The following CPLANE1 variants were observed in gnomAD, a reference collection of about 807,000 sequenced individuals.
CPLANE1 encodes the protein ciliogenesis and planar polarity effector 1.
A neutral mutation model predicts 362.5 loss-of-function variants in CPLANE1; 263 were observed. That is an observed-to-expected ratio of 0.73 (90% CI 0.66 to 0.80). CPLANE1 has a LOEUF of 0.80. CPLANE1 is among the 30% of genes least tolerant of loss of function. The probability of loss-of-function intolerance (pLI) is 0.00; values close to 1 mark genes in which losing one functional copy is unlikely to be tolerated. For synonymous variants in CPLANE1, 1,212 were observed against 1,302.6 expected (o/e 0.93, Z 1.50); for missense variants, 3,461 against 3,793.4 (o/e 0.91, Z 2.30).
intron 9 of CPLANE1, among the ~76,000 whole-genome samples, chr5:37,229,539 A>AAAATAAAT (rs374996232): frequency 0.035 from 5,231 of 151,120 alleles, 321 homozygotes; most frequent in African/African-American, 0.12. Context: ...ACTCTGTCTC[A>AAAATAAAT]AAATAAATAA....
chr5:37,227,011 C>G lies in CPLANE1; in HGVS notation c.1584G>C (p.Trp528Cys). ...TACACAGCACATCATCTCTTTTGTT[C>G]CAAAAAGGACATAAGTTGTCTGGAA... ...RHFPDNLCPF[W>C]NKRDDVLCSS... The change falls in exon 12 of 53, where the codon TGG (tryptophan) becomes TGC (cysteine). Residue 528 changes from tryptophan (W) to cysteine (C), a missense_variant. Transcript: ENST00000651892. 1 of 1,549,314 alleles carries G rather than the reference C, an allele frequency of 6.5e-7. No individual in the cohort carries two copies.
intron 44 of CPLANE1, chr5:37,141,856 A>T: frequency 1.2e-6 from 1 of 854,884 alleles, no homozygotes; most frequent in Non-Finnish European, 1.4e-6. Flanking sequence ...CCTCAACTGT[A>T]AAATGGAGAT....
chr5:37,164,771 A>G (rs1476553021), intron 36 of CPLANE1, among the ~76,000 whole-genome samples: 1 of 152,230 alleles, frequency 6.6e-6, no homozygotes, highest in Non-Finnish European at 1.5e-5. Flanking sequence ...TGTTGTTGCA[A>G]AAATAGTTAG....
At chr5:37,180,294 G>A in intron 27 of CPLANE1, 111 bp from the exon 28 acceptor site, 1 of 514,432 alleles carries the variant, frequency 1.9e-6, no homozygotes, top group South Asian at 4.5e-5. Context: ...CGCCCAGGCT[G>A]GAGTGCAATG....
chr5:37,158,914 G>C (rs1055720939), intron 38 of CPLANE1, among the ~76,000 whole-genome samples: 3 of 150,854 alleles, frequency 2.0e-5, no homozygotes, highest in Non-Finnish European at 4.4e-5. Flanking sequence ...CTCCCGAGTA[G>C]CTGAGACTAC....
At chr5:37,147,325 G>A (rs1401827895) in intron 43 of CPLANE1, among the ~76,000 whole-genome samples, 4 of 152,154 alleles carry the variant, frequency 2.6e-5, no homozygotes, top group African/African-American at 9.7e-5. Context: ...AAAATGCAAT[G>A]AAAATGGAAA....
intron 50 of CPLANE1, among the ~76,000 whole-genome samples, chr5:37,115,556 T>C (rs1173589840): frequency 6.6e-6 from 1 of 151,864 alleles, no homozygotes; most frequent in Middle Eastern, 3.4e-3. Flanking sequence ...AGCTGGGATA[T>C]AAACCTAAGT....
rs1346898182 is a variant in CPLANE1, at chr5:37,209,582, C to T, written c.2921-3157G>A. 4 of 1,389,520 alleles carry T rather than the reference C, an allele frequency of 2.9e-6. No homozygotes were observed. The highest frequency in any genetic ancestry group is 1.7e-5 in the Admixed American group (1 of 59,508). 86.1% of individuals were successfully genotyped at this position (1,389,520 alleles called of 1,614,324 possible). A position where few individuals can be genotyped will look rare whatever the true frequency, so the allele number is the denominator to read the frequency against. On this transcript the variant is annotated intron_variant, in intron 16 of 52. Coordinates refer to ENST00000651892, the MANE Select transcript of CPLANE1 (RefSeq NM_001384732.1). This position sits in a 1 kb window ranked among gnomAD's most constrained non-coding sequence, Gnocchi z 4.6. ...AAGGGAGCTCCCTCTTAATAAGTGC[C>T]TCTAACTCTTTAGTGGCAGATCACT...
intron 15 of CPLANE1, among the ~76,000 whole-genome samples, chr5:37,221,117 GAAC>G (rs963078612): frequency 1.3e-5 from 2 of 152,138 alleles, no homozygotes; most frequent in Admixed American, 1.3e-4. Context: ...CAGAGAGGTA[GAAC>G]AACCAACTTT....
intron 26 of CPLANE1, among the ~76,000 whole-genome samples, chr5:37,181,973 T>C (rs1300756840): frequency 2.6e-5 from 4 of 152,050 alleles, no homozygotes; most frequent in African/African-American, 9.7e-5. Context: ...GTGCCTGTAG[T>C]CCCAGCTACT....
intron 15 of CPLANE1, among the ~76,000 whole-genome samples, chr5:37,217,981 AAAAAAT>A (rs922338701): frequency 1.1e-4 from 16 of 152,204 alleles, no homozygotes; most frequent in East Asian, 5.8e-4. Flanking sequence ...CTCCATCTCA[AAAAAAT>A]AAAAATAAAA....
intron 49 of CPLANE1, 62 bp from the exon 50 acceptor site, chr5:37,120,402 CA>C: frequency 6.9e-7 from 1 of 1,452,134 alleles, no homozygotes; most frequent in Non-Finnish European, 9.2e-7. Flanking sequence ...TAAACTTTAA[CA>C]TTTCAAAAAG....
Position 37,187,955 on chromosome 5 carries a change from AT to A in CPLANE1, c.3812-114del, listed in dbSNP as rs1177644151. The A allele has an allele frequency of 3.3e-5, 20 of 599,156 alleles. No homozygotes were observed. The East Asian group carries it at 5.7e-4, about 17-fold the overall frequency. 37.1% of individuals were successfully genotyped at this position (599,156 alleles called of 1,614,324 possible). On this transcript the variant is annotated intron_variant, in intron 21 of 52. Transcript: ENST00000651892. ...CAAAATAAAGGTCTTTATTTCATTCATTATAAAATGAACACATGCTCATTGT... is the reference window on the plus strand; with the variant it reads ...CAAAATAAAGGTCTTTATTTCATTCATATAAAATGAACACATGCTCATTGT...
chr5:37,091,864 T>C, the CPLANE1 span, among the ~76,000 whole-genome samples: 1 of 152,052 alleles, frequency 6.6e-6, no homozygotes, highest in Non-Finnish European at 1.5e-5. Flanking sequence ...CCCTACAGGA[T>C]CCACAGCCCC....
At chr5:37,177,049 C>A (rs373538158) in intron 30 of CPLANE1, among the ~76,000 whole-genome samples, 1 of 152,122 alleles carries the variant, frequency 6.6e-6, no homozygotes, top group Non-Finnish European at 1.5e-5. Context: ...TAAGCCACCA[C>A]GCCTGGCCAT....
chr5:37,146,627 T>G (rs1771686552), intron 43 of CPLANE1, among the ~76,000 whole-genome samples: 1 of 152,194 alleles, frequency 6.6e-6, no homozygotes, highest in Non-Finnish European at 1.5e-5. Flanking sequence ...ATACAAAATA[T>G]TTATACATAA....
chr5:37,235,023 G>A (rs1317247365), intron 8 of CPLANE1, among the ~76,000 whole-genome samples: 1 of 151,884 alleles, frequency 6.6e-6, no homozygotes, highest in African/African-American at 2.4e-5. Flanking sequence ...ATAAATAAAA[G>A]GCATCCAAAT....
At chr5:37,145,278 G>A (rs1348513191) in intron 43 of CPLANE1, among the ~76,000 whole-genome samples, 2 of 152,178 alleles carry the variant, frequency 1.3e-5, no homozygotes, top group Non-Finnish European at 2.9e-5. Context: ...GCACTCTCCA[G>A]ACTGGGCCAC....
intron 6 of CPLANE1, among the ~76,000 whole-genome samples, chr5:37,241,264 G>A (rs1320878393): frequency 6.6e-6 from 1 of 152,180 alleles, no homozygotes; most frequent in Non-Finnish European, 1.5e-5. Flanking sequence ...GACCAGTCTG[G>A]CCAACATGGC....
Sources: allele counts gnomAD v4.1 joint callset (sites outside exome capture counted in the v4.1 genomes callset), GRCh38; gene constraint gnomAD v4.1.1; non-coding constraint Gnocchi (gnomAD v3.1); transcripts MANE v1.5; gene names NCBI Gene and HGNC (gene_info 2026-07-23, HGNC 2026-07-21).